Variants in NEDD4 observed in about 807,000 individuals in gnomAD.
NEDD4 encodes NEDD4 E3 ubiquitin protein ligase.
In NEDD4, 99 loss-of-function variants were observed where a neutral mutation model predicts 144.9. The ratio of observed to expected loss-of-function variants is 0.68; its 90% CI spans 0.58 to 0.81. NEDD4 has a LOEUF of 0.81. Ranked by LOEUF, NEDD4 falls within the 30% of genes least tolerant of loss-of-function variation. NEDD4 has a pLI of 0.00. For synonymous variants in NEDD4, 318 were observed against 350.6 expected (o/e 0.91, Z 1.04); for missense variants, 985 against 1,065.9 (o/e 0.92, Z 1.06).
chr15:55,931,842 TCAC>T (rs1207886617), intron 4 of NEDD4, among the ~76,000 whole-genome samples: 5 of 152,340 alleles, frequency 3.3e-5, no homozygotes, highest in Admixed American at 3.3e-4. Flanking sequence ...TGTGCAACCA[TCAC>T]CACAATTTTA....
chr15:55,860,554 T>A lies in NEDD4; in HGVS notation c.813A>T (p.Glu271Asp). 6.2e-7 allele frequency: 1 copy of A among 1,614,064 alleles called. No homozygotes were observed. Among genetic ancestry groups the A allele is most frequent in the Non-Finnish European group, 8.5e-7 (1 of 1,179,936 alleles). ...GGTTGCTATACATGGTGGCTTCATC[T>A]TCTCTTATAATTTCCCAGTTCTAAA... The part of the protein sequence containing the change: ...ESSENWEIIR[E>D]DEATMYSNQA... The change falls in exon 11 of 29, where the codon GAA becomes GAT. Residue 271 changes from glutamate to aspartate, a missense_variant. By Grantham distance (45) the Glu-to-Asp change is conservative (BLOSUM62 2). Coordinates refer to ENST00000435532, the MANE Select transcript of NEDD4 (RefSeq NM_006154.4).
intron 1 of NEDD4, among the ~76,000 whole-genome samples, chr15:55,986,797 A>T (rs1383610306): frequency 2.0e-5 from 3 of 150,228 alleles, no homozygotes; most frequent in African/African-American, 7.4e-5. Flanking sequence ...GGGTTTCACC[A>T]TGTTAGCCAG....
Position 55,862,908 on chromosome 15 carries a change from C to G in NEDD4, c.674+5G>C. 1 of 1,588,570 alleles carries G rather than the reference C, an allele frequency of 6.3e-7. No individual in the cohort carries two copies. The highest frequency in any genetic ancestry group is 8.6e-7 in the Non-Finnish European group (1 of 1,165,368). ...ATTAAAATTGTGAAAGCCATCAGCACATACTGAGGGGTTGGTCTTTTCCAC... is the reference window on the plus strand; with the variant it reads ...ATTAAAATTGTGAAAGCCATCAGCAGATACTGAGGGGTTGGTCTTTTCCAC... On this transcript the variant is annotated splice_donor_5th_base_variant and intron_variant, in intron 9 of 28. Transcript: ENST00000435532.
intron 6 of NEDD4, among the ~76,000 whole-genome samples, 188 bp from the exon 7 acceptor site, chr15:55,872,664 C>A (rs1295057659): frequency 5.9e-5 from 9 of 152,182 alleles, no homozygotes; most frequent in African/African-American, 2.2e-4. Context: ...TTGCAGCCGA[C>A]ATCACAACTC....
At chr15:55,894,530 G>C (rs1447110238) in intron 5 of NEDD4, among the ~76,000 whole-genome samples, 1 of 152,140 alleles carries the variant, frequency 6.6e-6, no homozygotes, top group African/African-American at 2.4e-5. Flanking sequence ...ACGGCCCTTA[G>C]AAACCCTCAC....
chr15:55,969,011 T>C (rs2037563171), intron 1 of NEDD4, among the ~76,000 whole-genome samples: 1 of 152,116 alleles, frequency 6.6e-6, no homozygotes, highest in Non-Finnish European at 1.5e-5. Context: ...CAACATCGTA[T>C]CAAGGAAAGA....
rs180713774 is a variant in NEDD4, at chr15:55,928,501, C to G, written c.238-3802G>C. ...TTCTGGCCTTGTGTCCTACAAATGTCCCCCTGCCCAACCAAATATGCATCT... is the reference window on the plus strand; with the variant it reads ...TTCTGGCCTTGTGTCCTACAAATGTGCCCCTGCCCAACCAAATATGCATCT... On this transcript the variant is annotated intron_variant, in intron 4 of 28. Transcript: ENST00000435532. Among the ~76,000 whole-genome samples, 3 of 152,300 alleles carry G rather than the reference C, an allele frequency of 2.0e-5. No homozygotes were observed. The East Asian group carries it at 5.8e-4, about 29-fold the overall frequency.
intron 4 of NEDD4, among the ~76,000 whole-genome samples, chr15:55,947,679 A>G (rs1227709692): frequency 6.6e-6 from 1 of 152,236 alleles, no homozygotes; most frequent in Non-Finnish European, 1.5e-5. Flanking sequence ...TCCAGCATAT[A>G]AACAGAACCA....
intron 2 of NEDD4, among the ~76,000 whole-genome samples, chr15:55,962,223 C>T (rs567379571): frequency 6.6e-6 from 1 of 152,288 alleles, no homozygotes; most frequent in East Asian, 1.9e-4. Flanking sequence ...GTTTGCATGG[C>T]ATATCTTTTT....
At chr15:55,967,661 C>T (rs1002102841) in intron 1 of NEDD4, among the ~76,000 whole-genome samples, 3 of 151,682 alleles carry the variant, frequency 2.0e-5, no homozygotes, top group Non-Finnish European at 4.4e-5. Context: ...AAAAAATTCA[C>T]AAGTTACAAA....
intron 27 of NEDD4, among the ~76,000 whole-genome samples, chr15:55,832,233 C>T (rs1286974885): frequency 1.3e-5 from 2 of 148,974 alleles, no homozygotes; most frequent in African/African-American, 4.9e-5. Flanking sequence ...GGAAACAATG[C>T]TTTTGTTTTC....
At chr15:55,969,506 A>C (rs1255257205) in intron 1 of NEDD4, among the ~76,000 whole-genome samples, 2 of 152,174 alleles carry the variant, frequency 1.3e-5, no homozygotes, top group Admixed American at 6.5e-5. Context: ...CAGACAGCAC[A>C]GTTCATAGCT....
At chr15:55,954,400 T>C (rs1166651985) in intron 2 of NEDD4, among the ~76,000 whole-genome samples, 3 of 152,216 alleles carry the variant, frequency 2.0e-5, no homozygotes, top group Non-Finnish European at 4.4e-5. Context: ...CATGGTTTTT[T>C]ACAACTAACT....
At chr15:55,848,922 A>C (rs2033866634) in intron 14 of NEDD4, 36 bp from the exon 15 acceptor site, 1 of 1,485,958 alleles carries the variant, frequency 6.7e-7, no homozygotes, top group East Asian at 2.3e-5. Flanking sequence ...CAATACACAC[A>C]AATTTTAAAA....
chr15:55,944,254 T>G (rs947127129), intron 4 of NEDD4, among the ~76,000 whole-genome samples: 5 of 152,238 alleles, frequency 3.3e-5, no homozygotes, highest in African/African-American at 1.2e-4. Flanking sequence ...TGTGATAAAC[T>G]GTACCTGGAA....
chr15:55,874,673 T>C (rs1197727554), intron 5 of NEDD4, among the ~76,000 whole-genome samples: 1 of 152,140 alleles, frequency 6.6e-6, no homozygotes, highest in Non-Finnish European at 1.5e-5. Flanking sequence ...CTATGTTAAC[T>C]TGCTAGAACA....
intron 5 of NEDD4, among the ~76,000 whole-genome samples, chr15:55,901,402 G>A (rs2035910993): frequency 9.0e-6 from 1 of 111,712 alleles, no homozygotes; most frequent in Non-Finnish European, 1.9e-5. Flanking sequence ...GGACTTTCTG[G>A]CTAATTATTT....
intron 5 of NEDD4, among the ~76,000 whole-genome samples, chr15:55,898,059 G>C (rs1188748151): frequency 6.6e-6 from 1 of 152,178 alleles, no homozygotes; most frequent in Non-Finnish European, 1.5e-5. Flanking sequence ...ACACATCCAT[G>C]AGAGGTGAAA....
chr15:55,879,513 T>C (rs1427615466), intron 5 of NEDD4, among the ~76,000 whole-genome samples: 3 of 152,194 alleles, frequency 2.0e-5, no homozygotes, highest in African/African-American at 4.8e-5. Flanking sequence ...CAATAAATAT[T>C]GGAATATTAT....
Sources: gnomAD v4.1 joint callset for allele counts (sites outside exome capture counted in the v4.1 genomes callset) on GRCh38, gnomAD v4.1.1 for gene constraint, MANE v1.5 for transcripts, NCBI Gene and HGNC (gene_info 2026-07-23, HGNC 2026-07-21) for gene names.